NAALADL2: variants seen among roughly 807,000 people sequenced by gnomAD.
NAALADL2 encodes N-acetylated alpha-linked acidic dipeptidase like 2.
A neutral mutation model predicts 87.2 loss-of-function variants in NAALADL2; 76 were observed. That is an observed-to-expected ratio of 0.87 (90% CI 0.72 to 1.05). The LOEUF (loss-of-function observed/expected upper bound fraction) is 1.05. NAALADL2 is among the 50% of genes least tolerant of loss of function. NAALADL2 has a pLI of 0.00. For synonymous variants in NAALADL2, 354 were observed against 331.0 expected (o/e 1.07, Z -0.75); for missense variants, 1,089 against 945.8 (o/e 1.15, Z -1.99).
chr3:174,735,193 A>G (rs1359446221), intron 2 of NAALADL2, among the ~76,000 whole-genome samples: 2 of 152,210 alleles, frequency 1.3e-5, no homozygotes. Context: ...TATGAAATGT[A>G]GAATAACCAA....
intron 3 of NAALADL2, among the ~76,000 whole-genome samples, chr3:174,817,414 C>T (rs964870009): frequency 6.6e-6 from 1 of 152,096 alleles, no homozygotes; most frequent in African/African-American, 2.4e-5. Flanking sequence ...CCACCCTGGG[C>T]AACAGAGTGA....
At chr3:174,749,328 C>T (rs954816282) in intron 3 of NAALADL2, among the ~76,000 whole-genome samples, 9 of 152,212 alleles carry the variant, frequency 5.9e-5, no homozygotes, top group African/African-American at 2.2e-4. Context: ...GTTAAACTAG[C>T]ATTACCTCAA....
chr3:175,134,956 CAT>C (rs1208258816), intron 2 of NAALADL2, among the ~76,000 whole-genome samples: 2 of 152,124 alleles, frequency 1.3e-5, no homozygotes, highest in African/African-American at 2.4e-5. Context: ...AATATATCCA[CAT>C]AGAGTGAAAA....
chr3:175,380,644 C>T (rs1035751406), intron 5 of NAALADL2, among the ~76,000 whole-genome samples: 1 of 152,048 alleles, frequency 6.6e-6, no homozygotes, highest in Non-Finnish European at 1.5e-5. Context: ...AAAACAATCC[C>T]TTTTTTCTAG....
chr3:174,643,461 T>C (rs1370602277), intron 2 of NAALADL2, among the ~76,000 whole-genome samples: 1 of 152,010 alleles, frequency 6.6e-6, no homozygotes, highest in Non-Finnish European at 1.5e-5. Flanking sequence ...AGACCAGCCT[T>C]GGCCAACACA....
At chr3:175,067,210 A>G (rs1329476906) in intron 1 of NAALADL2, among the ~76,000 whole-genome samples, 1 of 152,148 alleles carries the variant, frequency 6.6e-6, no homozygotes, top group African/African-American at 2.4e-5. Flanking sequence ...TAAGTTCTCA[A>G]AAGCGATTAC....
chr3:175,017,444 A>G (rs1750988886), intron 1 of NAALADL2, among the ~76,000 whole-genome samples: 1 of 152,096 alleles, frequency 6.6e-6, no homozygotes, highest in South Asian at 2.1e-4. Flanking sequence ...TTCTGGCACC[A>G]TTTGGATGTC....
intron 1 of NAALADL2, among the ~76,000 whole-genome samples, chr3:174,441,723 T>C (rs1714653271): frequency 8.0e-6 from 1 of 124,988 alleles, no homozygotes; most frequent in African/African-American, 3.4e-5. Flanking sequence ...CCACATTCTT[T>C]GCTTTTTTTT....
At chr3:175,189,496 ATACT>A (rs1407410330) in intron 2 of NAALADL2, among the ~76,000 whole-genome samples, 31 of 152,350 alleles carry the variant, frequency 2.0e-4, no homozygotes, top group African/African-American at 7.2e-4. Flanking sequence ...AAACAATAAA[ATACT>A]TAAGAATAAA....
At chr3:174,747,634 A>AAG (rs1734390924) in intron 3 of NAALADL2, among the ~76,000 whole-genome samples, 1 of 150,712 alleles carries the variant, frequency 6.6e-6, no homozygotes, top group African/African-American at 2.4e-5. Flanking sequence ...AAAAAAAAAA[A>AAG]AAAAAAAAAA....
At chr3:175,500,213 A>T (rs1260563544) in intron 9 of NAALADL2, among the ~76,000 whole-genome samples, 3 of 152,102 alleles carry the variant, frequency 2.0e-5, no homozygotes, top group Non-Finnish European at 4.4e-5. Flanking sequence ...AGGCAGGGAA[A>T]AAATCGCTGC....
At chr3:175,735,931 T>C (rs1333000947) in intron 11 of NAALADL2, among the ~76,000 whole-genome samples, 1 of 152,244 alleles carries the variant, frequency 6.6e-6, no homozygotes, top group Non-Finnish European at 1.5e-5. Context: ...CCCTGTGTAG[T>C]TTCACAAGAC....
chr3:174,705,474 G>C lies in NAALADL2; in HGVS notation c.-114-32167G>C, dbSNP rs186930549. On this transcript the variant is annotated intron_variant, in intron 2 of 3. Transcript: ENST00000434257. ...ATTCCAGGACACATTACCCATGAAA[G>C]AAATATTCCTTTAAAAATTCCAGTT... is the stretch of plus-strand genomic sequence containing the variant. Among the ~76,000 whole-genome samples, 6 of 152,216 alleles carry C rather than the reference G, an allele frequency of 3.9e-5. No individual in the cohort carries two copies. The East Asian group carries it at 1.2e-3, about 29-fold the overall frequency.
chr3:175,199,860 A>ATT (rs1560153953), intron 2 of NAALADL2, among the ~76,000 whole-genome samples: 1 of 15,902 alleles, frequency 6.3e-5, no homozygotes, highest in African/African-American at 2.9e-4. Flanking sequence ...ATATATATAT[A>ATT]TATATTTTTT....
intron 1 of NAALADL2, among the ~76,000 whole-genome samples, chr3:175,062,608 A>C (rs1191348051): frequency 6.6e-6 from 1 of 151,576 alleles, no homozygotes; most frequent in Non-Finnish European, 1.5e-5. Context: ...TAGAACTATA[A>C]ATGCTCTTAC....
intron 1 of NAALADL2, among the ~76,000 whole-genome samples, chr3:174,516,810 CTT>C (rs1215061808): frequency 6.6e-6 from 1 of 151,590 alleles, no homozygotes; most frequent in Non-Finnish European, 1.5e-5. Flanking sequence ...AATGACATGT[CTT>C]TATGCTAAAT....
chr3:174,519,501 T>G (rs1720137416), intron 1 of NAALADL2, among the ~76,000 whole-genome samples: 1 of 151,940 alleles, frequency 6.6e-6, no homozygotes, highest in Non-Finnish European at 1.5e-5. Flanking sequence ...CCAGCTAATT[T>G]TGTATTTTTA....
At chr3:175,237,139 T>C (rs1175222955) in intron 3 of NAALADL2, among the ~76,000 whole-genome samples, 1 of 152,114 alleles carries the variant, frequency 6.6e-6, no homozygotes, top group African/African-American at 2.4e-5. Flanking sequence ...AGAAATAAGT[T>C]AAAAATGTGA....
intron 3 of NAALADL2, among the ~76,000 whole-genome samples, chr3:174,797,988 G>C (rs981720897): frequency 6.6e-6 from 1 of 151,494 alleles, no homozygotes; most frequent in African/African-American, 2.4e-5. Context: ...TATAGTTTTA[G>C]CTCTTACATT....
Sources: gnomAD v4.1 joint callset for allele counts (sites outside exome capture counted in the v4.1 genomes callset) on GRCh38, gnomAD v4.1.1 for gene constraint, MANE v1.5 for transcripts, NCBI Gene and HGNC (gene_info 2026-07-23, HGNC 2026-07-21) for gene names.